Variants in ANO4 observed in about 807,000 individuals in gnomAD.
The protein encoded by ANO4 is anoctamin 4, also known as anoctamin-4.
ANO4 carries 69 observed loss-of-function variants against 141.9 expected under a neutral mutation model. That is an observed-to-expected ratio of 0.49 (90% CI 0.40 to 0.59). ANO4 has a LOEUF of 0.59. Among genes scored for constraint, ANO4 ranks in the 20% least tolerant of loss-of-function variants. The probability of loss-of-function intolerance (pLI) is 0.00; values close to 1 mark genes in which losing one functional copy is unlikely to be tolerated. For synonymous variants in ANO4, 350 were observed against 394.3 expected (o/e 0.89, Z 1.33); for missense variants, 894 against 1,162.2 (o/e 0.77, Z 3.36).
chr12:100,719,407 G>T (rs1355726007), intron 1 of ANO4, among the ~76,000 whole-genome samples: 1 of 152,096 alleles, frequency 6.6e-6, no homozygotes, highest in Non-Finnish European at 1.5e-5. Context: ...TCACCCACTG[G>T]ATACTATTGA....
intron 14 of ANO4, among the ~76,000 whole-genome samples, chr12:101,073,566 T>TATAAATA (rs2048908105): frequency 7.0e-6 from 1 of 143,634 alleles, no homozygotes; most frequent in South Asian, 2.3e-4. Context: ...GAACTTAAAG[T>TATAAATA]ATAATAATAA....
chr12:101,089,255 T>C (rs1228873222), intron 17 of ANO4, among the ~76,000 whole-genome samples: 1 of 152,116 alleles, frequency 6.6e-6, no homozygotes, highest in Non-Finnish European at 1.5e-5. Context: ...CTAGGTTAAC[T>C]AGTAATCAAT....
intron 3 of ANO4, among the ~76,000 whole-genome samples, chr12:100,927,980 C>A (rs1050168759): frequency 1.3e-5 from 2 of 152,088 alleles, no homozygotes; most frequent in African/African-American, 2.4e-5. Context: ...GCACGTGTGT[C>A]TACATAATCA....
intron 2 of ANO4, among the ~76,000 whole-genome samples, chr12:100,906,863 G>A (rs752507232): frequency 2.6e-5 from 4 of 152,198 alleles, no homozygotes; most frequent in East Asian, 3.9e-4. Flanking sequence ...TTGGTGCCAG[G>A]GCTATTGGAG....
chr12:100,858,355 TATG>T (rs1378092366), intron 1 of ANO4, among the ~76,000 whole-genome samples: 1 of 152,088 alleles, frequency 6.6e-6, no homozygotes, highest in Non-Finnish European at 1.5e-5. Flanking sequence ...ACAGTAAAAA[TATG>T]ATATTATAAT....
chr12:100,818,484 G>T (rs1458778900), intron 1 of ANO4, among the ~76,000 whole-genome samples: 1 of 151,782 alleles, frequency 6.6e-6, no homozygotes, highest in African/African-American at 2.4e-5. Context: ...AATAGCTCCT[G>T]ATATTAAATA....
intron 3 of ANO4, among the ~76,000 whole-genome samples, chr12:100,745,268 A>G (rs191820707): frequency 2.6e-5 from 4 of 152,136 alleles, no homozygotes; most frequent in African/African-American, 9.7e-5. Context: ...CTTCTCCTAG[A>G]ATATTCTTAT....
chr12:101,109,475 C>G lies in ANO4; in HGVS notation c.2150-929C>G, dbSNP rs554198623. ...ACTCAGGAGGCTGAGGCAGGAGAAT[C>G]ACTTGAACCCAGGAGGCGGAGGTTG... On this transcript the variant is annotated intron_variant, in intron 22 of 27. Coordinates refer to ENST00000392977, the MANE Select transcript of ANO4 (RefSeq NM_001286615.2). 2.6e-5 allele frequency among the ~76,000 whole-genome samples: 4 copies of G among 152,040 alleles called. No individual in the cohort carries two copies. In the East Asian group the frequency reaches 7.7e-4, roughly 29 times the overall value.
At chr12:101,071,577 G>A (rs2048812788) in intron 14 of ANO4, among the ~76,000 whole-genome samples, 1 of 151,354 alleles carries the variant, frequency 6.6e-6, no homozygotes, top group Non-Finnish European at 1.5e-5. Context: ...AGAGGAGGGG[G>A]GATGGTTAAT....
At chr12:100,749,591 A>G (rs1428629211) in intron 3 of ANO4, among the ~76,000 whole-genome samples, 6 of 152,248 alleles carry the variant, frequency 3.9e-5, no homozygotes, top group Non-Finnish European at 7.3e-5. Flanking sequence ...GAAAACACCA[A>G]TGAATCAGGG....
In ANO4 at chr12:100,988,872, G is replaced by GAAAA. The variant is rs748666892; in HGVS notation, c.734+1215_734+1218dup. 2.2e-4 allele frequency among the ~76,000 whole-genome samples: 14 copies of GAAAA among 65,024 alleles called. 1 individual carries two copies. Among genetic ancestry groups the GAAAA allele is most frequent in the Non-Finnish European group, 3.2e-4 (11 of 34,332 alleles). 42.7% of individuals were successfully genotyped at this position (65,024 alleles called of 152,430 possible). A position where few individuals can be genotyped will look rare whatever the true frequency, so the allele number is the denominator to read the frequency against. ...GGTGACAGAGTGAGACTCTGTCTCA[G>GAAAA]AAAAAAAAAAAAAAAAGAAAGAAAA... On this transcript the variant is annotated intron_variant, in intron 8 of 27. Transcript: ENST00000392977.
In ANO4 at chr12:100,901,704, T is replaced by G. The variant is rs770102137; in HGVS notation, c.-82T>G. 1 of 1,258,026 alleles carries G rather than the reference T, an allele frequency of 7.9e-7. No individual in the cohort carries two copies. Among genetic ancestry groups the G allele is most frequent in the African/African-American group, 1.5e-5 (1 of 67,374 alleles). The allele number at this position is 1,258,026 out of a possible 1,614,324, so 77.9% of individuals were successfully genotyped here. On this transcript the variant is annotated 5_prime_UTR_variant, in exon 2 of 28. Coordinates refer to ENST00000392977, the MANE Select transcript of ANO4 (RefSeq NM_001286615.2). ...GTTTGCAAATCCATCAACGGCGAAG[T>G]GTGGCAAGCCGCCCAGCGTCACGTC...
chr12:101,018,935 G>A (rs1487539684), intron 8 of ANO4, among the ~76,000 whole-genome samples: 2 of 151,984 alleles, frequency 1.3e-5, no homozygotes, highest in Non-Finnish European at 2.9e-5. Flanking sequence ...AGTATCCTCA[G>A]TAAACATTTG....
At chr12:100,835,055 T>A (rs942368257) in intron 1 of ANO4, among the ~76,000 whole-genome samples, 4 of 152,070 alleles carry the variant, frequency 2.6e-5, no homozygotes, top group Admixed American at 6.6e-5. Context: ...GGCCTCTGCT[T>A]CCAATGGCCT....
chr12:100,976,491 A>G (rs142034585), intron 7 of ANO4, among the ~76,000 whole-genome samples: 122 of 152,358 alleles, frequency 8.0e-4, no homozygotes, highest in African/African-American at 2.8e-3. Context: ...CAATCCTGAT[A>G]TAACAGTTTA....
chr12:101,015,479 T>A (rs969687129), intron 8 of ANO4, among the ~76,000 whole-genome samples: 1 of 152,176 alleles, frequency 6.6e-6, no homozygotes. Flanking sequence ...ACTGTAGAGT[T>A]GTACCATAAT....
chr12:100,993,341 G>A (rs2045224993), intron 8 of ANO4, among the ~76,000 whole-genome samples: 1 of 152,108 alleles, frequency 6.6e-6, no homozygotes, highest in Admixed American at 6.6e-5. Flanking sequence ...TGGGCCTACA[G>A]GTAGAAAAAT....
intron 14 of ANO4, among the ~76,000 whole-genome samples, chr12:101,060,353 T>A (rs1039460341): frequency 2.0e-5 from 3 of 152,214 alleles, no homozygotes; most frequent in African/African-American, 7.2e-5. Flanking sequence ...GAATGTATAT[T>A]CTGTTGATTT....
chr12:100,910,888 T>C (rs2041070606), intron 2 of ANO4, among the ~76,000 whole-genome samples: 1 of 152,184 alleles, frequency 6.6e-6, no homozygotes, highest in Non-Finnish European at 1.5e-5. Context: ...CAGGTTCTTT[T>C]ATCTCACTTT....
Sources: gnomAD v4.1 joint callset for allele counts (sites outside exome capture counted in the v4.1 genomes callset) on GRCh38, gnomAD v4.1.1 for gene constraint, MANE v1.5 for transcripts, NCBI Gene and HGNC (gene_info 2026-07-23, HGNC 2026-07-21) for gene names.